The following ELMO1 variants were observed in gnomAD, a reference collection of about 807,000 sequenced individuals.
ELMO1 encodes engulfment and cell motility 1, also known as engulfment and cell motility protein 1.
In ELMO1, 26 loss-of-function variants were observed where a neutral mutation model predicts 98.9. The ratio of observed to expected loss-of-function variants is 0.26; its 90% confidence interval spans 0.19 to 0.36. ELMO1 has a LOEUF of 0.36. Among genes scored for constraint, ELMO1 ranks in the 10% least tolerant of loss-of-function variants. ELMO1 has a pLI of 1.00. For missense variants in ELMO1, 627 were observed against 935.2 expected (o/e 0.67, Z 4.30); for synonymous variants, 346 against 346.0 (o/e 1.00, Z 0.00).
chr7:37,033,299 T>C (rs1231537787), intron 15 of ELMO1: 1 of 440,474 alleles, frequency 2.3e-6, no homozygotes, highest in Non-Finnish European at 4.6e-6. Context: ...CAGTGAGCTC[T>C]GCCTATGCTT....
At chr7:37,432,148 C>T (rs1731997) in intron 1 of ELMO1, among the ~76,000 whole-genome samples, 126,627 of 152,172 alleles carry the variant, frequency 0.83, 52,957 homozygotes, top group East Asian at 0.91. Context: ...CCCAAAGTGT[C>T]GGGATTACAG....
chr7:37,406,965 C>A (rs1166875715), intron 1 of ELMO1, among the ~76,000 whole-genome samples: 1 of 152,186 alleles, frequency 6.6e-6, no homozygotes, highest in Non-Finnish European at 1.5e-5. Context: ...AACAGAATCA[C>A]ATACACTGCT....
intron 15 of ELMO1, among the ~76,000 whole-genome samples, chr7:37,029,988 T>G (rs1300444340): frequency 6.6e-6 from 1 of 152,196 alleles, no homozygotes; most frequent in East Asian, 1.9e-4. Flanking sequence ...ATAAGATCCC[T>G]GCAAGTCTTT....
chr7:37,051,981 G>T (rs1409825168), intron 15 of ELMO1, among the ~76,000 whole-genome samples: 2 of 152,210 alleles, frequency 1.3e-5, no homozygotes, highest in Non-Finnish European at 2.9e-5. Flanking sequence ...TCATTAAACA[G>T]CAGAGGTTCT....
At chr7:36,865,089 G>C (rs1045780091) in intron 20 of ELMO1, among the ~76,000 whole-genome samples, 5 of 152,214 alleles carry the variant, frequency 3.3e-5, no homozygotes, top group Admixed American at 1.3e-4. Flanking sequence ...ATGAGGAACC[G>C]ACTGATAACA....
intron 4 of ELMO1, among the ~76,000 whole-genome samples, chr7:37,283,144 T>C (rs184825299): frequency 2.0e-5 from 3 of 152,140 alleles, no homozygotes; most frequent in African/African-American, 4.8e-5. Flanking sequence ...TGCCAGGACA[T>C]GGCAAGCCTG....
intron 1 of ELMO1, among the ~76,000 whole-genome samples, chr7:37,432,117 G>A (rs1339964947): frequency 6.6e-6 from 1 of 152,186 alleles, no homozygotes; most frequent in African/African-American, 2.4e-5. Flanking sequence ...TTGACCTCAG[G>A]TGATTCACCC....
intron 16 of ELMO1, among the ~76,000 whole-genome samples, chr7:36,988,713 T>G (rs78353423): frequency 0.052 from 7,868 of 152,228 alleles, 231 homozygotes; most frequent in Middle Eastern, 0.1. Flanking sequence ...ACAAAACACA[T>G]GTGTGCTAGG....
At position 36,907,151 on chromosome 7, in the gene ELMO1, CA is replaced by C. The variant is rs200163255; in HGVS notation, c.1438-12135del. Among the ~76,000 whole-genome samples the C allele has an allele frequency of 6.9e-3, 1,001 of 144,750 alleles. 17 individuals are homozygous for C. Among genetic ancestry groups the C allele is most frequent in the African/African-American group, 0.022 (889 of 39,814 alleles). 95.0% of individuals were successfully genotyped at this position (144,750 alleles called of 152,430 possible). A position where few individuals can be genotyped will look rare whatever the true frequency, so the allele number is the denominator to read the frequency against. On this transcript the variant is annotated intron_variant, in intron 16 of 21. Transcript: ENST00000310758. ...TTGTATTTCTAGAGTTATGTGCAAA[CA>C]AAAAAAAAAATTCTGGCAAGTCTTC...
At chr7:37,339,921 T>C (rs1158566576) in intron 2 of ELMO1, among the ~76,000 whole-genome samples, 1 of 152,070 alleles carries the variant, frequency 6.6e-6, no homozygotes, top group Non-Finnish European at 1.5e-5. Flanking sequence ...AATACAAAAC[T>C]CGAATCTGAT....
At chr7:36,968,023 T>G (rs1441007049) in intron 16 of ELMO1, among the ~76,000 whole-genome samples, 3 of 152,254 alleles carry the variant, frequency 2.0e-5, no homozygotes, top group African/African-American at 4.8e-5. Flanking sequence ...TGAGTAATAT[T>G]AGAAAGAAAT....
chr7:37,016,882 G>A (rs764570472), intron 15 of ELMO1, among the ~76,000 whole-genome samples: 16 of 152,172 alleles, frequency 1.1e-4, no homozygotes, highest in South Asian at 8.3e-4. Flanking sequence ...GCTCCAAAGC[G>A]CATCATTATT....
chr7:36,956,131 G>T (rs1788422253), intron 16 of ELMO1, among the ~76,000 whole-genome samples: 1 of 152,130 alleles, frequency 6.6e-6, no homozygotes, highest in Non-Finnish European at 1.5e-5. Context: ...CTTGTCTAGG[G>T]TGTCCTGAAG....
intron 8 of ELMO1, among the ~76,000 whole-genome samples, chr7:37,232,157 T>C (rs1794212994): frequency 6.6e-6 from 1 of 152,212 alleles, no homozygotes; most frequent in Non-Finnish European, 1.5e-5. Context: ...ACCATTAGTT[T>C]AAAATAAAAG....
rs535262568 is a variant in ELMO1 at position 36,996,093 on chromosome 7, C to A, written c.1437+17206G>T. 5.9e-5 allele frequency among the ~76,000 whole-genome samples: 9 copies of A among 152,320 alleles called. No homozygotes were observed. The South Asian group carries it at 1.9e-3, about 32-fold the overall frequency. On this transcript the variant is annotated intron_variant, in intron 16 of 21. Transcript: ENST00000310758. ...TTGGCTTTTGTCAGACAATAAATATCACCAAAAGAAAATCCAAAGACGTTT... is the reference window on the plus strand; with the variant it reads ...TTGGCTTTTGTCAGACAATAAATATAACCAAAAGAAAATCCAAAGACGTTT...
chr7:37,054,955 T>C (rs1028584400), intron 15 of ELMO1, among the ~76,000 whole-genome samples: 7 of 152,254 alleles, frequency 4.6e-5, no homozygotes, highest in Non-Finnish European at 7.3e-5. Flanking sequence ...AGCATATGTA[T>C]TGCATTTCTT....
At chr7:36,910,176 C>T (rs1231270266) in intron 16 of ELMO1, among the ~76,000 whole-genome samples, 1 of 152,176 alleles carries the variant, frequency 6.6e-6, no homozygotes, top group Non-Finnish European at 1.5e-5. Context: ...CTAAGCTGGA[C>T]TTTAGAGGTC....
At chr7:36,879,906 G>A (rs1253911962) in intron 18 of ELMO1, among the ~76,000 whole-genome samples, 1 of 152,218 alleles carries the variant, frequency 6.6e-6, no homozygotes, top group African/African-American at 2.4e-5. Flanking sequence ...TTAGGCAAAT[G>A]TGTACTTATG....
intron 2 of ELMO1, among the ~76,000 whole-genome samples, chr7:37,324,879 C>G (rs569769154): frequency 1.3e-5 from 2 of 152,324 alleles, no homozygotes; most frequent in South Asian, 4.1e-4. Flanking sequence ...ACCTGGCCAT[C>G]AATGACTTTA....
Sources: gnomAD v4.1 joint callset for allele counts (sites outside exome capture counted in the v4.1 genomes callset) on GRCh38, gnomAD v4.1.1 for gene constraint, MANE v1.5 for transcripts, NCBI Gene and HGNC (gene_info 2026-07-23, HGNC 2026-07-21) for gene names.